The following KDM4A variants were observed in gnomAD, a reference collection of about 807,000 sequenced individuals.
KDM4A encodes lysine-specific demethylase 4A.
A neutral mutation model predicts 127.1 loss-of-function variants in KDM4A; 23 were observed. The ratio of observed to expected loss-of-function variants is 0.18; its 90% CI spans 0.13 to 0.26. The LOEUF (loss-of-function observed/expected upper bound fraction) is 0.26. KDM4A is among the 10% of genes least tolerant of loss of function. The pLI, the probability that KDM4A is intolerant of heterozygous loss-of-function variation, is 1.00. For synonymous variants in KDM4A, 443 were observed against 466.5 expected (o/e 0.95, Z 0.65); for missense variants, 890 against 1,329.1 (o/e 0.67, Z 5.14).
Position 43,704,438 on chromosome 1 carries a change from G to A in KDM4A, c.*68G>A. On this transcript the variant is annotated 3_prime_UTR_variant, in exon 22 of 22. Transcript: ENST00000372396. The stretch of plus-strand genomic sequence containing the variant: ...GCACTCTGGGTTCCACAGCACAGCA[G>A]ACATGGAACGCTGAAGTCTCTGAAA... 1.3e-5 allele frequency: 19 copies of A among 1,467,196 alleles called. No individual in the cohort carries two copies. The highest frequency in any genetic ancestry group is 1.8e-5 in the Non-Finnish European group (19 of 1,075,694). 90.9% of individuals were successfully genotyped at this position (1,467,196 alleles called of 1,614,324 possible). A position where few individuals can be genotyped will look rare whatever the true frequency, so the allele number is the denominator to read the frequency against.
In KDM4A at chr1:43,689,112, C is replaced by T. The variant is rs201731278; in HGVS notation, c.2037+17C>T. 2.8e-3 allele frequency: 4,504 copies of T among 1,611,900 alleles called. 6 individuals are homozygous for T. The highest frequency in any genetic ancestry group is 3.6e-3 in the Non-Finnish European group (4,213 of 1,178,342). On this transcript the variant is annotated intron_variant, in intron 13 of 21. Coordinates refer to ENST00000372396, the MANE Select transcript of KDM4A (RefSeq NM_014663.3). ...TATCATCAGGTAACCCAGCTCCATG[C>T]ACTCTGTTTACCCAGGACCAGCAAT...
Position 43,666,440 on chromosome 1 carries a change from T to C in KDM4A, c.674-12T>C. On this transcript the variant is annotated splice_polypyrimidine_tract_variant and intron_variant, in intron 6 of 21. Coordinates refer to ENST00000372396, the MANE Select transcript of KDM4A (RefSeq NM_014663.3). ...GAGCACTGTGTTAACCTGTACCCTT[T>C]CAATTAAATAGGCTTTTTCCCAGGA... The C allele has an allele frequency of 1.2e-6, 2 of 1,611,776 alleles. No homozygotes were observed. Among genetic ancestry groups the C allele is most frequent in the Non-Finnish European group, 1.7e-6 (2 of 1,177,882 alleles).
Position 43,663,103 on chromosome 1 carries a change from AGT to A in KDM4A, c.623+17_623+18del. The A allele has an allele frequency of 6.2e-7, 1 of 1,604,502 alleles. No homozygotes were observed. Among genetic ancestry groups the A allele is most frequent in the Non-Finnish European group, 8.5e-7 (1 of 1,174,362 alleles). ...CAAAGTCCTGGTACAGTCTGCCTGC[AGT>A]CGGCACCGGGCTTCTATGCTAGAGC... is the stretch of plus-strand genomic sequence containing the variant. On this transcript the variant is annotated intron_variant, in intron 5 of 21. Transcript: ENST00000372396.
chr1:43,696,604 C>T (rs1254997171), intron 18 of KDM4A, among the ~76,000 whole-genome samples: 1 of 152,228 alleles, frequency 6.6e-6, no homozygotes, highest in Non-Finnish European at 1.5e-5. Context: ...CCTGCCCTAG[C>T]CATCCCTGGT....
Position 43,704,480 on chromosome 1 carries a change from A to G in KDM4A, c.*110A>G. The G allele has an allele frequency of 8.6e-7, 1 of 1,164,420 alleles. No individual in the cohort carries two copies. The highest frequency in any genetic ancestry group is 1.5e-5 in the South Asian group (1 of 66,950). 72.1% of individuals were successfully genotyped at this position (1,164,420 alleles called of 1,614,324 possible). ...TCTCTGAAAGTGAAGTTGTAAAAAGAAAAGGAATGAAATAACCGACCCATC... is the reference window on the plus strand; with the variant it reads ...TCTCTGAAAGTGAAGTTGTAAAAAGGAAAGGAATGAAATAACCGACCCATC... On this transcript the variant is annotated 3_prime_UTR_variant, in exon 22 of 22. Coordinates refer to ENST00000372396, the MANE Select transcript of KDM4A (RefSeq NM_014663.3).
chr1:43,699,094 T>TA (rs1557921960), intron 19 of KDM4A, among the ~76,000 whole-genome samples: 1 of 148,698 alleles, frequency 6.7e-6, no homozygotes. Flanking sequence ...TGGCCTTATT[T>TA]TTTTTTTTTT....
At chr1:43,681,665 A>G (rs1313504776) in intron 11 of KDM4A, among the ~76,000 whole-genome samples, 1 of 152,110 alleles carries the variant, frequency 6.6e-6, no homozygotes, top group African/African-American at 2.4e-5. Flanking sequence ...AGTCTGCCAC[A>G]GCCCACAGGT....
rs751083418 is a variant in KDM4A at position 43,704,224 on chromosome 1, C to T, written c.3055-6C>T. 10 of 1,613,972 alleles carry T rather than the reference C, an allele frequency of 6.2e-6. No homozygotes were observed. Among genetic ancestry groups the T allele is most frequent in the East Asian group, 2.2e-5 (1 of 44,880 alleles). On this transcript the variant is annotated splice_polypyrimidine_tract_variant and splice_region_variant and intron_variant, in intron 21 of 21. Transcript: ENST00000372396. Reference sequence around the variant, plus strand: ...GCTGACACTTGGCTTGCTTATTCTTCTATAGTCAGTAGCCTCAGACATGCG... The same window carrying T: ...GCTGACACTTGGCTTGCTTATTCTTTTATAGTCAGTAGCCTCAGACATGCG...
intron 10 of KDM4A, among the ~76,000 whole-genome samples, chr1:43,669,666 T>G (rs927692086): frequency 6.6e-6 from 1 of 151,276 alleles, no homozygotes. Context: ...TTTTTTTTTT[T>G]GAAATGGAGT....
At chr1:43,653,378 A>C in intron 2 of KDM4A, 65 bp downstream of exon 2, 2 of 1,471,532 alleles carry the variant, frequency 1.4e-6, no homozygotes, top group Non-Finnish European at 1.8e-6. Context: ...TTTTTTTCCT[A>C]CATTTGGGCC....
intron 3 of KDM4A, among the ~76,000 whole-genome samples, chr1:43,660,034 CAG>C (rs1489913567): frequency 6.6e-6 from 1 of 152,152 alleles, no homozygotes; most frequent in Non-Finnish European, 1.5e-5. Context: ...AGAGTCTCTT[CAG>C]AGAGTTGAGG....
At position 43,660,338 on chromosome 1, in the gene KDM4A, C is replaced by T. The variant is rs1248125156; in HGVS notation, c.355C>T (p.Arg119Trp). The change falls in exon 4 of 22, where the codon CGG (arginine) becomes TGG (tryptophan). Residue 119 changes from arginine to tryptophan, a missense_variant. Arg to Trp is a moderately radical substitution (Grantham distance 101). Around this residue, in one of 7 missense-constraint regions of KDM4A, gnomAD observed 41 missense variants for 40.8 expected, o/e 1.00. Coordinates refer to ENST00000372396, the MANE Select transcript of KDM4A (RefSeq NM_014663.3). The stretch of plus-strand genomic sequence containing the variant: ...CTATAGTGAGTTTGAAGAGCTCGAG[C>T]GGAAATACTGGAAAAATCTTACATT... ...PRYSEFEELE[R>W]KYWKNLTFNP... The T allele has an allele frequency of 1.1e-5, 18 of 1,613,896 alleles. No individual in the cohort carries two copies. The highest frequency in any genetic ancestry group is 2.2e-5 in the East Asian group (1 of 44,898).
chr1:43,697,991 A>G lies in KDM4A; in HGVS notation c.2819A>G (p.Asn940Ser), dbSNP rs750460404. The change falls in exon 19 of 22, where the codon AAT (asparagine) becomes AGT (serine). Residue 940 changes from asparagine to serine, a missense_variant. Physicochemically the swap from Asn to Ser is conservative, Grantham distance 46. Around this residue, in one of 7 missense-constraint regions of KDM4A, gnomAD observed 246 missense variants for 418.4 expected, o/e 0.59. Transcript: ENST00000372396. ...VNFDDGSFSD[N>S]LYPEDIVSQD... is the part of the protein sequence containing the mutation. Reference sequence around the variant, plus strand: ...TTTGATGATGGCTCCTTCAGCGACAATCTTTATCCTGAGGACATAGTGGTA... The same window carrying G: ...TTTGATGATGGCTCCTTCAGCGACAGTCTTTATCCTGAGGACATAGTGGTA... 1.2e-6 allele frequency: 2 copies of G among 1,613,432 alleles called. No homozygotes were observed. The highest frequency in any genetic ancestry group is 1.7e-6 in the Non-Finnish European group (2 of 1,179,918).
chr1:43,695,159 T>G (rs1257557451), intron 18 of KDM4A, among the ~76,000 whole-genome samples: 1 of 152,166 alleles, frequency 6.6e-6, no homozygotes, highest in African/African-American at 2.4e-5. Context: ...ATAAACTCCT[T>G]GAGGGTCCAT....
chr1:43,696,871 C>G (rs1468569859), intron 18 of KDM4A, among the ~76,000 whole-genome samples: 1 of 152,056 alleles, frequency 6.6e-6, no homozygotes, highest in Non-Finnish European at 1.5e-5. Flanking sequence ...TACTATATGC[C>G]AGGCACAGTT....
At chr1:43,655,565 CT>C (rs776762605) in intron 2 of KDM4A, 25 bp from the exon 3 acceptor site, 1 of 1,579,806 alleles carries the variant, frequency 6.3e-7, no homozygotes. Context: ...TCTCATCTGT[CT>C]TTTTGTTTCT....
At position 43,694,680 on chromosome 1, in the gene KDM4A, A is replaced by T; in HGVS notation, c.2485-29A>T. 4 of 1,578,290 alleles carry T rather than the reference A, an allele frequency of 2.5e-6. No homozygotes were observed. Among genetic ancestry groups the T allele is most frequent in the Non-Finnish European group, 3.5e-6 (4 of 1,150,908 alleles). Reference sequence around the variant, plus strand: ...GGAAGCTGCAGTGCCAGTTCCTGCAATCACTGGTTTTCTTCCCCTGTGCTA... The same window carrying T: ...GGAAGCTGCAGTGCCAGTTCCTGCATTCACTGGTTTTCTTCCCCTGTGCTA... On this transcript the variant is annotated intron_variant, in intron 17 of 21. Transcript: ENST00000372396. This position sits in a 1 kb window ranked among gnomAD's most constrained non-coding sequence, Gnocchi z 5.2.
At chr1:43,671,122 A>AT (rs1660608928) in intron 10 of KDM4A, among the ~76,000 whole-genome samples, 1 of 152,280 alleles carries the variant, frequency 6.6e-6, no homozygotes, top group African/African-American at 2.4e-5. Context: ...CCCTCTTAAT[A>AT]TTTTTCAAGA....
At chr1:43,666,312 G>C in intron 6 of KDM4A, 140 bp from the exon 7 acceptor site, 1 of 658,900 alleles carries the variant, frequency 1.5e-6, no homozygotes, top group Non-Finnish European at 2.7e-6. Flanking sequence ...AATTGGTGCG[G>C]AGCTATAAGG....
Sources: allele counts gnomAD v4.1 joint callset (sites outside exome capture counted in the v4.1 genomes callset), GRCh38; gene constraint gnomAD v4.1.1; regional missense constraint gnomAD v4.1.1; non-coding constraint Gnocchi (gnomAD v3.1); transcripts MANE v1.5; gene names NCBI Gene and HGNC (gene_info 2026-07-23, HGNC 2026-07-21).